CATSPERE: variants seen among roughly 807,000 people sequenced by gnomAD.
The protein encoded by CATSPERE is catsper channel auxiliary subunit epsilon, also known as cation channel sperm-associated auxiliary subunit epsilon.
CATSPERE carries 93 observed loss-of-function variants against 114.1 expected under a neutral mutation model. The observed-to-expected ratio is 0.81, with a 90% CI of 0.69 to 0.97. The LOEUF is 0.97. Ranked by LOEUF, CATSPERE falls within the 50% of genes least tolerant of loss-of-function variation. The pLI, the probability that CATSPERE is intolerant of heterozygous loss-of-function variation, is 0.00. For missense variants in CATSPERE, 1,058 were observed against 1,131.6 expected (o/e 0.93, Z 0.93); for synonymous variants, 341 against 384.1 (o/e 0.89, Z 1.31).
intron 18 of CATSPERE, among the ~76,000 whole-genome samples, chr1:244,606,622 T>TC (rs939253922): frequency 6.6e-6 from 1 of 150,474 alleles, no homozygotes; most frequent in African/African-American, 2.4e-5. Context: ...TTTTTTTTTT[T>TC]TAAGAGTCTC....
intron 6 of CATSPERE, 126 bp downstream of exon 6, chr1:244,490,597 A>T (rs1043284212): frequency 6.7e-6 from 4 of 600,840 alleles, no homozygotes; most frequent in Non-Finnish European, 1.2e-5. Flanking sequence ...TGCTTAGAGT[A>T]TACCTTTCTA....
intron 19 of CATSPERE, among the ~76,000 whole-genome samples, chr1:244,615,149 GAA>G (rs1350047049): frequency 6.7e-6 from 1 of 149,288 alleles, no homozygotes; most frequent in African/African-American, 2.5e-5. Flanking sequence ...CTTCTGGAAT[GAA>G]AGGTGGGGAC....
rs4408137 is a variant in CATSPERE at position 244,468,598 on chromosome 1, T to C, written c.114+4642T>C. Among the ~76,000 whole-genome samples the C allele has an allele frequency of 3.7e-3, 561 of 152,168 alleles. 4 individuals are homozygous for C. Among genetic ancestry groups the C allele is most frequent in the African/African-American group, 0.012 (512 of 41,524 alleles). On this transcript the variant is annotated intron_variant, in intron 2 of 21. Coordinates refer to ENST00000366534, the MANE Select transcript of CATSPERE (RefSeq NM_001130957.2). ...GAGTAATATTACAAAACCAATGATA[T>C]TGCAGCTGATTTGAAAGTGATATTA...
intron 2 of CATSPERE, among the ~76,000 whole-genome samples, chr1:244,470,188 A>G (rs1050726086): frequency 6.6e-6 from 1 of 152,250 alleles, no homozygotes; most frequent in African/African-American, 2.4e-5. Context: ...TAAATTGGAC[A>G]TCATCAAAAT....
At chr1:244,467,306 A>G (rs751689644) in intron 2 of CATSPERE, among the ~76,000 whole-genome samples, 2 of 152,224 alleles carry the variant, frequency 1.3e-5, no homozygotes, top group African/African-American at 4.8e-5. Context: ...TAAAGTATAA[A>G]AAAGAAAGGA....
At chr1:244,467,029 A>T (rs1253231635) in intron 2 of CATSPERE, among the ~76,000 whole-genome samples, 1 of 152,246 alleles carries the variant, frequency 6.6e-6, no homozygotes. Flanking sequence ...GCCTAGAGTT[A>T]TGCAGGAATG....
At chr1:244,477,391 T>C (rs1186144704) in intron 2 of CATSPERE, 150 bp from the exon 3 acceptor site, 1 of 567,066 alleles carries the variant, frequency 1.8e-6, no homozygotes, top group Non-Finnish European at 3.2e-6. Flanking sequence ...CTTTTCTTTG[T>C]CACATTACTT....
At chr1:244,553,122 G>T (rs925609186) in intron 9 of CATSPERE, among the ~76,000 whole-genome samples, 4 of 152,182 alleles carry the variant, frequency 2.6e-5, no homozygotes, top group Non-Finnish European at 5.9e-5. Flanking sequence ...TATATGAGCT[G>T]CCCAAAATGA....
At chr1:244,600,996 T>C (rs1669128449) in intron 17 of CATSPERE, among the ~76,000 whole-genome samples, 1 of 151,886 alleles carries the variant, frequency 6.6e-6, no homozygotes, top group African/African-American at 2.4e-5. Flanking sequence ...ATCTGAATAA[T>C]ATAGAAAATG....
At chr1:244,498,377 G>A (rs1348785556) in intron 6 of CATSPERE, among the ~76,000 whole-genome samples, 1 of 152,138 alleles carries the variant, frequency 6.6e-6, no homozygotes, top group Non-Finnish European at 1.5e-5. Flanking sequence ...GGGTGCAGAT[G>A]GATTTATGGG....
chr1:244,632,515 A>C (rs1674095634), intron 20 of CATSPERE, among the ~76,000 whole-genome samples: 1 of 152,042 alleles, frequency 6.6e-6, no homozygotes, highest in Non-Finnish European at 1.5e-5. Flanking sequence ...AAGGATTAGA[A>C]GCATAGTGTT....
At position 244,619,658 on chromosome 1, in the gene CATSPERE, A is replaced by C. The variant is rs568489777; in HGVS notation, c.2648+1972A>C. ...GGGCTTCGGAAAACCACTCAGGGAA[A>C]CTAACAGGGGCCTCCTGGTTTGGGG... On this transcript the variant is annotated intron_variant, in intron 20 of 21. Coordinates refer to ENST00000366534, the MANE Select transcript of CATSPERE (RefSeq NM_001130957.2). Among the ~76,000 whole-genome samples the C allele has an allele frequency of 5.9e-5, 9 of 152,318 alleles. No homozygotes were observed. In the South Asian group the frequency reaches 1.9e-3, roughly 32 times the overall value.
intron 1 of CATSPERE, among the ~76,000 whole-genome samples, chr1:244,461,960 C>G (rs993392739): frequency 6.6e-6 from 1 of 151,996 alleles, no homozygotes; most frequent in Non-Finnish European, 1.5e-5. Flanking sequence ...ACAACAGGCA[C>G]GCGCCACCAC....
intron 20 of CATSPERE, among the ~76,000 whole-genome samples, chr1:244,634,055 G>A (rs1674319307): frequency 6.6e-6 from 1 of 151,852 alleles, no homozygotes; most frequent in Non-Finnish European, 1.5e-5. Flanking sequence ...GTAGAGATGG[G>A]GTTTCACCAT....
In CATSPERE at chr1:244,607,757, A is replaced by T. The variant is rs74152137; in HGVS notation, c.2403+1963A>T. On this transcript the variant is annotated intron_variant, in intron 18 of 21. Coordinates refer to ENST00000366534, the MANE Select transcript of CATSPERE (RefSeq NM_001130957.2). This position sits in a 1 kb window ranked among gnomAD's most constrained non-coding sequence, Gnocchi z 4.4. ...CCTTGGTTCCTAATTCACTGCTTTG[A>T]GGAGAGGCACCGTCAGAACCATCTA... Among the ~76,000 whole-genome samples, 2 of 152,146 alleles carry T rather than the reference A, an allele frequency of 1.3e-5. No homozygotes were observed. The highest frequency in any genetic ancestry group is 2.1e-4 in the South Asian group (1 of 4,828).
intron 5 of CATSPERE, among the ~76,000 whole-genome samples, chr1:244,487,178 G>A (rs1053467948): frequency 6.6e-6 from 1 of 151,590 alleles, no homozygotes; most frequent in Non-Finnish European, 1.5e-5. Flanking sequence ...TAGTCACCTG[G>A]TGGGTGGTTC....
intron 2 of CATSPERE, among the ~76,000 whole-genome samples, chr1:244,468,139 G>A (rs1311615444): frequency 1.3e-5 from 2 of 151,178 alleles, no homozygotes; most frequent in South Asian, 2.1e-4. Context: ...TGTCACCCAG[G>A]CTGGAGTGCA....
intron 8 of CATSPERE, among the ~76,000 whole-genome samples, chr1:244,528,452 A>G (rs865940676): frequency 7.9e-5 from 12 of 152,196 alleles, no homozygotes; most frequent in Middle Eastern, 6.8e-3. Context: ...AGAAAAATTA[A>G]ATAGTACATT....
At chr1:244,525,968 C>T (rs1476767400) in intron 8 of CATSPERE, among the ~76,000 whole-genome samples, 1 of 152,232 alleles carries the variant, frequency 6.6e-6, no homozygotes, top group African/African-American at 2.4e-5. Context: ...TCTCCACCAT[C>T]CTCAGAGTGT....
Sources: allele counts gnomAD v4.1 joint callset (sites outside exome capture counted in the v4.1 genomes callset), GRCh38; gene constraint gnomAD v4.1.1; non-coding constraint Gnocchi (gnomAD v3.1); transcripts MANE v1.5; gene names NCBI Gene and HGNC (gene_info 2026-07-23, HGNC 2026-07-21).